The following UGT1A8 variants were observed in gnomAD, a reference collection of about 807,000 sequenced individuals.
UGT1A8 encodes UDP glucuronosyltransferase family 1 member A8, also known as UDP-glucuronosyltransferase 1A8.
In UGT1A8, 39 loss-of-function variants were observed where a neutral mutation model predicts 45.3. The ratio of observed to expected loss-of-function variants is 0.86; its 90% CI spans 0.67 to 1.12. The LOEUF (loss-of-function observed/expected upper bound fraction) is 1.12. UGT1A8 is among the 50% of genes most tolerant of loss of function. The probability of loss-of-function intolerance (pLI) is 0.00; values close to 1 mark genes in which losing one functional copy is unlikely to be tolerated. For synonymous variants in UGT1A8, 275 were observed against 249.2 expected (o/e 1.10, Z -0.97); for missense variants, 719 against 664.9 (o/e 1.08, Z -0.90).
intron 1 of UGT1A8, among the ~76,000 whole-genome samples, chr2:233,643,552 G>A (rs1213696712): frequency 2.0e-5 from 3 of 152,104 alleles, no homozygotes; most frequent in Non-Finnish European, 4.4e-5. Flanking sequence ...CCCTGCAGCA[G>A]TGTTGGTACC....
At chr2:233,758,613 T>TGCATGC (rs1429486776) in intron 1 of UGT1A8, among the ~76,000 whole-genome samples, 2 of 152,164 alleles carry the variant, frequency 1.3e-5, no homozygotes, top group Non-Finnish European at 2.9e-5. Flanking sequence ...AGTGTGCATG[T>TGCATGC]GCATGCAAAG....
chr2:233,739,456 G>A (rs1691109479), intron 1 of UGT1A8, among the ~76,000 whole-genome samples: 1 of 152,244 alleles, frequency 6.6e-6, no homozygotes, highest in African/African-American at 2.4e-5. Flanking sequence ...CACAGGGTTG[G>A]AGCTGCCTGA....
At chr2:233,682,226 C>T (rs1262498281) in intron 1 of UGT1A8, 5 of 1,614,078 alleles carry the variant, frequency 3.1e-6, no homozygotes, top group African/African-American at 1.3e-5. Context: ...TGCCGATGCT[C>T]GCTGGACGGC....
chr2:233,618,924 A>T (rs1374570344), intron 1 of UGT1A8, among the ~76,000 whole-genome samples: 2 of 152,108 alleles, frequency 1.3e-5, no homozygotes, highest in East Asian at 1.9e-4. Flanking sequence ...TCTTTTCATT[A>T]AAAAAAGTAT....
chr2:233,718,208 A>C (rs934013354), intron 1 of UGT1A8, among the ~76,000 whole-genome samples: 2 of 152,102 alleles, frequency 1.3e-5, no homozygotes, highest in Non-Finnish European at 2.9e-5. Context: ...TTTTTTTTAT[A>C]TTGACAGCCA....
rs1692738477 is a variant in UGT1A8, at chr2:233,744,224, A to C, written c.856-22810A>C. Reference sequence around the variant, plus strand: ...ATGGGAAAAAGAGGTTGGGGAAAAGAGAGGGCCTTGACTTTGGCTGCCTGA... The same window carrying C: ...ATGGGAAAAAGAGGTTGGGGAAAAGCGAGGGCCTTGACTTTGGCTGCCTGA... On this transcript the variant is annotated intron_variant, in intron 1 of 4. Coordinates refer to ENST00000373450, the MANE Select transcript of UGT1A8 (RefSeq NM_019076.5). 1.3e-5 allele frequency among the ~76,000 whole-genome samples: 2 copies of C among 151,816 alleles called. 1 individual carries two copies. Among genetic ancestry groups the C allele is most frequent in the African/African-American group, 4.9e-5 (2 of 41,070 alleles).
intron 1 of UGT1A8, among the ~76,000 whole-genome samples, chr2:233,666,380 T>C (rs891460005): frequency 2.6e-5 from 4 of 152,196 alleles, no homozygotes; most frequent in Admixed American, 2.0e-4. Flanking sequence ...ATCTTTTTCA[T>C]TGCAGCTATT....
At chr2:233,649,506 A>G (rs1575400741) in intron 1 of UGT1A8, among the ~76,000 whole-genome samples, 1 of 152,228 alleles carries the variant, frequency 6.6e-6, no homozygotes, top group Admixed American at 6.5e-5. Flanking sequence ...ATATAAGCAT[A>G]TATGTAAATA....
At chr2:233,690,937 A>G in intron 1 of UGT1A8, 1 of 1,019,074 alleles carries the variant, frequency 9.8e-7, no homozygotes, top group Non-Finnish European at 1.2e-6. Flanking sequence ...TCCTTCCTCC[A>G]ACTCATGTTC....
intron 1 of UGT1A8, chr2:233,747,490 T>G: frequency 6.2e-7 from 1 of 1,609,038 alleles, no homozygotes; most frequent in Non-Finnish European, 8.5e-7. Flanking sequence ...GATCGCCTTG[T>G]GCTGGGCCAC....
At chr2:233,742,365 T>C (rs879560468) in intron 1 of UGT1A8, among the ~76,000 whole-genome samples, 1 of 151,994 alleles carries the variant, frequency 6.6e-6, no homozygotes, top group African/African-American at 2.4e-5. Flanking sequence ...AGCAGAAACA[T>C]GTCCTTAAGG....
chr2:233,676,347 A>G (rs559210336), intron 1 of UGT1A8, among the ~76,000 whole-genome samples: 1 of 152,328 alleles, frequency 6.6e-6, no homozygotes, highest in African/African-American at 2.4e-5. Context: ...TCATTGTAGA[A>G]TAAATATAGG....
At chr2:233,664,754 A>G (rs1451399841) in intron 1 of UGT1A8, among the ~76,000 whole-genome samples, 1 of 152,220 alleles carries the variant, frequency 6.6e-6, no homozygotes, top group Non-Finnish European at 1.5e-5. Context: ...ATTGGGTATC[A>G]TATTTCAACA....
At position 233,767,975 on chromosome 2, in the gene UGT1A8, T is replaced by A. The variant is rs772516341; in HGVS notation, c.1075+39T>A. The A allele has an allele frequency of 6.2e-6, 10 of 1,614,016 alleles. No homozygotes were observed. The African/African-American group carries it at 1.3e-4, about 22-fold the overall frequency. On this transcript the variant is annotated intron_variant, in intron 3 of 4. Transcript: ENST00000373450. ...ATTGGATGTATAGGTCAAACCAGGGTCAAATTAAGAAAATGGCTTAAGCAC... is the reference window on the plus strand; with the variant it reads ...ATTGGATGTATAGGTCAAACCAGGGACAAATTAAGAAAATGGCTTAAGCAC...
intron 1 of UGT1A8, chr2:233,648,892 G>C: frequency 7.6e-7 from 1 of 1,310,866 alleles, no homozygotes; most frequent in Non-Finnish European, 1.1e-6. Flanking sequence ...ACCTGTCATG[G>C]CATATGATCT....
chr2:233,666,376 T>C (rs1052825184), intron 1 of UGT1A8, among the ~76,000 whole-genome samples: 2 of 152,218 alleles, frequency 1.3e-5, no homozygotes, highest in Non-Finnish European at 2.9e-5. Context: ...CTCAATCTTT[T>C]TCATTGCAGC....
At chr2:233,743,389 C>G (rs1429272187) in intron 1 of UGT1A8, 2 of 1,242,542 alleles carry the variant, frequency 1.6e-6, no homozygotes, top group Non-Finnish European at 2.1e-6. Context: ...GTAGGACATG[C>G]AGAAGGAAGA....
intron 1 of UGT1A8, among the ~76,000 whole-genome samples, chr2:233,724,281 C>G (rs1325936815): frequency 2.7e-5 from 3 of 112,012 alleles, no homozygotes; most frequent in Admixed American, 8.5e-5. Flanking sequence ...GCTGGCCGGG[C>G]GGGGGGCTGA....
chr2:233,630,957 G>T (rs2073176428), intron 1 of UGT1A8, among the ~76,000 whole-genome samples: 1 of 151,580 alleles, frequency 6.6e-6, no homozygotes, highest in Admixed American at 6.6e-5. Context: ...TCTACATTAG[G>T]TATTTCTCCT....
Sources: gnomAD v4.1 joint callset for allele counts (sites outside exome capture counted in the v4.1 genomes callset) on GRCh38, gnomAD v4.1.1 for gene constraint, MANE v1.5 for transcripts, NCBI Gene and HGNC (gene_info 2026-07-23, HGNC 2026-07-21) for gene names.